Variants in BUB1B observed in about 807,000 individuals in gnomAD.
The protein encoded by BUB1B is mitotic checkpoint serine/threonine-protein kinase BUB1 beta.
A neutral mutation model predicts 137.7 loss-of-function variants in BUB1B; 86 were observed. That is an observed-to-expected ratio of 0.62 (90% CI 0.52 to 0.75). The LOEUF (loss-of-function observed/expected upper bound fraction) is 0.75. BUB1B is among the 30% of genes least tolerant of loss of function. The probability of loss-of-function intolerance (pLI) is 0.00; values close to 1 mark genes in which losing one functional copy is unlikely to be tolerated. For missense variants in BUB1B, 1,130 were observed against 1,236.9 expected (o/e 0.91, Z 1.30); for synonymous variants, 420 against 417.9 (o/e 1.00, Z -0.06).
intron 1 of BUB1B, among the ~76,000 whole-genome samples, chr15:40,164,428 A>G (rs919053857): frequency 6.6e-6 from 1 of 151,866 alleles, no homozygotes; most frequent in Non-Finnish European, 1.5e-5. Context: ...GGGTCTTCCT[A>G]TGTTGCCCAG....
intron 1 of BUB1B, among the ~76,000 whole-genome samples, chr15:40,161,746 G>A (rs1296468231): frequency 6.6e-6 from 1 of 152,134 alleles, no homozygotes; most frequent in African/African-American, 2.4e-5. Context: ...TCTAAATTAT[G>A]CCAATAACAT....
intron 14 of BUB1B, among the ~76,000 whole-genome samples, chr15:40,205,002 A>T (rs1021311203): frequency 6.8e-6 from 1 of 146,284 alleles, no homozygotes; most frequent in African/African-American, 2.6e-5. Flanking sequence ...GCTGGAGTGA[A>T]GTGGCGTGAT....
chr15:40,179,361 ATACTGT>A (rs1166515977), intron 5 of BUB1B, among the ~76,000 whole-genome samples: 1 of 152,154 alleles, frequency 6.6e-6, no homozygotes, highest in African/African-American at 2.4e-5. Flanking sequence ...TTACAAAATA[ATACTGT>A]TATATTTGCG....
rs540954528 is a variant in BUB1B, at chr15:40,215,587, G to T, written c.2679-1909G>T. On this transcript the variant is annotated intron_variant, in intron 20 of 22. Transcript: ENST00000287598. ...GATCAAGACCATCCTGGCTAACACAGTGAAACCCTGTCTCTACTAAAAATA... is the reference window on the plus strand; with the variant it reads ...GATCAAGACCATCCTGGCTAACACATTGAAACCCTGTCTCTACTAAAAATA... Among the ~76,000 whole-genome samples, 4 of 152,136 alleles carry T rather than the reference G, an allele frequency of 2.6e-5. No homozygotes were observed. The East Asian group carries it at 7.7e-4, about 29-fold the overall frequency.
chr15:40,161,387 C>A, intron 1 of BUB1B, 132 bp downstream of exon 1: 1 of 1,078,080 alleles, frequency 9.3e-7, no homozygotes, highest in Non-Finnish European at 1.3e-6. Context: ...AGCCTCCTTC[C>A]TTTTGGAGTA....
intron 5 of BUB1B, among the ~76,000 whole-genome samples, chr15:40,180,134 C>CAGGT (rs1328369116): frequency 1.3e-5 from 2 of 151,606 alleles, no homozygotes; most frequent in Non-Finnish European, 2.9e-5. Flanking sequence ...TCTTTTAGAG[C>CAGGT]AGGTCCGTTG....
intron 4 of BUB1B, among the ~76,000 whole-genome samples, chr15:40,175,324 G>T (rs2037212327): frequency 6.6e-6 from 1 of 152,082 alleles, no homozygotes. Context: ...ATAGTGAAAA[G>T]AATTCGAGGT....
At chr15:40,209,454 AG>A (rs2037681469) in intron 16 of BUB1B, among the ~76,000 whole-genome samples, 180 bp from the exon 17 acceptor site, 1 of 152,288 alleles carries the variant, frequency 6.6e-6, no homozygotes. Flanking sequence ...TGAAATTTCT[AG>A]AGTAGATTAG....
intron 20 of BUB1B, among the ~76,000 whole-genome samples, chr15:40,214,216 A>G (rs2037747659): frequency 6.6e-6 from 1 of 152,206 alleles, no homozygotes; most frequent in Admixed American, 6.5e-5. Flanking sequence ...CCAGAGTTCA[A>G]ATACAAACTA....
chr15:40,196,065 T>G (rs998516006), intron 8 of BUB1B, among the ~76,000 whole-genome samples: 1 of 152,234 alleles, frequency 6.6e-6, no homozygotes, highest in Non-Finnish European at 1.5e-5. Flanking sequence ...GAAGCCAATG[T>G]CTAGGAGGGT....
chr15:40,189,147 G>T (rs1300675342), intron 8 of BUB1B, among the ~76,000 whole-genome samples: 1 of 150,360 alleles, frequency 6.7e-6, no homozygotes, highest in African/African-American at 2.4e-5. Context: ...TGTGGTCTTT[G>T]TTTTTTTTTG....
intron 5 of BUB1B, among the ~76,000 whole-genome samples, chr15:40,179,723 T>G (rs2037261533): frequency 6.6e-6 from 1 of 152,066 alleles, no homozygotes; most frequent in African/African-American, 2.4e-5. Context: ...TTTTTAGTAT[T>G]TCATTTTAAT....
intron 4 of BUB1B, among the ~76,000 whole-genome samples, chr15:40,172,535 T>C (rs2037176173): frequency 6.6e-6 from 1 of 152,228 alleles, no homozygotes; most frequent in Non-Finnish European, 1.5e-5. Context: ...GAAGAGAATG[T>C]ATATTTAATA....
intron 9 of BUB1B, among the ~76,000 whole-genome samples, chr15:40,198,573 C>T (rs1179491196): frequency 6.6e-6 from 1 of 152,210 alleles, no homozygotes; most frequent in Non-Finnish European, 1.5e-5. Context: ...AAGCCACAAT[C>T]AGGGCCTACA....
At chr15:40,167,079 C>T (rs2037107969) in intron 2 of BUB1B, among the ~76,000 whole-genome samples, 1 of 151,758 alleles carries the variant, frequency 6.6e-6, no homozygotes, top group African/African-American at 2.4e-5. Flanking sequence ...CTATGCTCCT[C>T]AGTAGGGGTT....
At chr15:40,182,218 A>G (rs769107161) in intron 5 of BUB1B, among the ~76,000 whole-genome samples, 2 of 152,132 alleles carry the variant, frequency 1.3e-5, no homozygotes, top group Non-Finnish European at 2.9e-5. Context: ...AACAAAATAA[A>G]ATCTCCATCT....
At chr15:40,192,345 A>G (rs1430519004) in intron 8 of BUB1B, among the ~76,000 whole-genome samples, 1 of 152,138 alleles carries the variant, frequency 6.6e-6, no homozygotes, top group African/African-American at 2.4e-5. Context: ...AACATCATGC[A>G]TGAGTGTGGT....
At chr15:40,170,156 A>T in intron 3 of BUB1B, 35 bp downstream of exon 3, 1 of 1,574,702 alleles carries the variant, frequency 6.4e-7, no homozygotes, top group Non-Finnish European at 8.7e-7. Context: ...CAATAGAAAC[A>T]TTAACAGATA....
chr15:40,166,454 C>T, intron 2 of BUB1B: 1 of 358,656 alleles, frequency 2.8e-6, no homozygotes, highest in Non-Finnish European at 5.3e-6. Context: ...AATCTCCTGC[C>T]TCAGCCTCCT....
Sources: gnomAD v4.1 joint callset for allele counts (sites outside exome capture counted in the v4.1 genomes callset) on GRCh38, gnomAD v4.1.1 for gene constraint, MANE v1.5 for transcripts, NCBI Gene and HGNC (gene_info 2026-07-23, HGNC 2026-07-21) for gene names.